Variants in PRR16 observed in about 807,000 individuals in gnomAD.
The protein encoded by PRR16 is proline rich 16, also known as protein Largen.
A neutral mutation model predicts 18.2 loss-of-function variants in PRR16; 6 were observed. That is an observed-to-expected ratio of 0.33 (90% CI 0.18 to 0.65). The LOEUF (loss-of-function observed/expected upper bound fraction) is 0.65, where lower values mean the gene tolerates loss of function less well. Ranked by LOEUF, PRR16 falls within the 30% of genes least tolerant of loss-of-function variation. PRR16 has a pLI of 0.74. For synonymous variants in PRR16, 151 were observed against 147.8 expected, an observed-to-expected ratio of 1.02 and a Z score of -0.16; for missense variants, 412 against 376.6, an observed-to-expected ratio of 1.09 and a Z score of -0.78.
intron 1 of PRR16, among the ~76,000 whole-genome samples, chr5:120,607,457 AAAG>A (rs60799574): frequency 6.6e-6 from 1 of 152,328 alleles, no homozygotes; most frequent in East Asian, 1.9e-4. Context: ...TTTACTATAT[AAAG>A]AAGATTTCAT....
At chr5:120,563,479 C>A (rs550992731) in intron 1 of PRR16, among the ~76,000 whole-genome samples, 4 of 152,328 alleles carry the variant, frequency 2.6e-5, no homozygotes, top group African/African-American at 9.6e-5. Flanking sequence ...CTCTTCCCTT[C>A]CCTTTTTAAA....
At chr5:120,725,079 G>T in the PRR16 span, among the ~76,000 whole-genome samples, 1 of 151,946 alleles carries the variant, frequency 6.6e-6, no homozygotes, top group African/African-American at 2.4e-5. Flanking sequence ...ACAAGACATG[G>T]TGCTATCTGG....
chr5:120,598,474 G>A (rs1037567), intron 1 of PRR16, among the ~76,000 whole-genome samples: 32,113 of 151,440 alleles, frequency 0.21, 5,190 homozygotes, highest in African/African-American at 0.46. Context: ...CACATTTGCT[G>A]TAAAGCTATA....
chr5:120,711,729 A>AGAGATAGTCCAT, the PRR16 span, among the ~76,000 whole-genome samples: 1 of 152,186 alleles, frequency 6.6e-6, no homozygotes, highest in Non-Finnish European at 1.5e-5. Context: ...GTAGTGCATA[A>AGAGATAGTCCAT]GAGATAGTCC....
the PRR16 span, among the ~76,000 whole-genome samples, chr5:120,697,665 G>C: frequency 1.3e-5 from 2 of 152,108 alleles, no homozygotes; most frequent in Non-Finnish European, 2.9e-5. Context: ...GGAGATAAGG[G>C]TGGGGCCGTT....
At chr5:120,474,191 G>A (rs1188695520) in intron 1 of PRR16, among the ~76,000 whole-genome samples, 2 of 152,118 alleles carry the variant, frequency 1.3e-5, no homozygotes, top group Non-Finnish European at 2.9e-5. Context: ...GAGCAGGGAG[G>A]TGACTAAATC....
chr5:120,489,041 T>C (rs1323184803), intron 1 of PRR16, among the ~76,000 whole-genome samples: 1 of 152,224 alleles, frequency 6.6e-6, no homozygotes, highest in Non-Finnish European at 1.5e-5. Flanking sequence ...TTCTGTTCTT[T>C]TACATTTGCT....
the PRR16 span, among the ~76,000 whole-genome samples, chr5:120,732,154 A>G: frequency 1.3e-5 from 2 of 152,214 alleles, no homozygotes. Flanking sequence ...AGTGTTCAGC[A>G]GTGCACATAG....
chr5:120,636,526 G>A (rs1039156703), intron 1 of PRR16, among the ~76,000 whole-genome samples: 3 of 152,028 alleles, frequency 2.0e-5, no homozygotes, highest in African/African-American at 7.2e-5. Flanking sequence ...AAAACATCAA[G>A]TGCGGAAAGG....
intron 1 of PRR16, among the ~76,000 whole-genome samples, chr5:120,484,629 CTT>C (rs1210519753): frequency 2.8e-5 from 4 of 144,708 alleles, no homozygotes; most frequent in African/African-American, 7.5e-5. Flanking sequence ...TGTATATACA[CTT>C]ATATATAATA....
the PRR16 span, among the ~76,000 whole-genome samples, chr5:120,779,215 G>GT: frequency 6.6e-6 from 1 of 152,318 alleles, no homozygotes; most frequent in Admixed American, 6.5e-5. Context: ...GGCTGCAACA[G>GT]TTTCTGTAAG....
At chr5:120,591,186 G>A (rs1273743968) in intron 1 of PRR16, among the ~76,000 whole-genome samples, 3 of 152,134 alleles carry the variant, frequency 2.0e-5, no homozygotes, top group African/African-American at 7.2e-5. Flanking sequence ...GGCTGAGGCA[G>A]GAGAATCCCT....
the PRR16 span, among the ~76,000 whole-genome samples, chr5:120,718,855 A>G: frequency 6.6e-6 from 1 of 152,076 alleles, no homozygotes; most frequent in Non-Finnish European, 1.5e-5. Flanking sequence ...TGGGGAACTA[A>G]TGAAACAGTA....
intron 1 of PRR16, among the ~76,000 whole-genome samples, chr5:120,518,203 A>C (rs973125930): frequency 6.6e-6 from 1 of 152,188 alleles, no homozygotes; most frequent in African/African-American, 2.4e-5. Flanking sequence ...GTAATGTATA[A>C]AGAACACTCA....
chr5:120,502,510 C>T (rs1012281546), intron 1 of PRR16, among the ~76,000 whole-genome samples: 2 of 151,886 alleles, frequency 1.3e-5, no homozygotes, highest in Non-Finnish European at 2.9e-5. Flanking sequence ...GTGTTTGTGA[C>T]AGGAATGTTT....
chr5:120,762,181 A>AG, the PRR16 span, among the ~76,000 whole-genome samples: 1 of 152,106 alleles, frequency 6.6e-6, no homozygotes, highest in African/African-American at 2.4e-5. Flanking sequence ...AGCATGGTGG[A>AG]GGGCAAGTAT....
intron 1 of PRR16, among the ~76,000 whole-genome samples, chr5:120,610,732 T>C (rs116616122): frequency 0.059 from 8,969 of 152,252 alleles, 342 homozygotes; most frequent in South Asian, 0.089. Flanking sequence ...AATTATACCT[T>C]TTTTTCTTCC....
intron 1 of PRR16, among the ~76,000 whole-genome samples, chr5:120,642,800 G>C (rs988468367): frequency 6.6e-6 from 1 of 151,858 alleles, no homozygotes; most frequent in Non-Finnish European, 1.5e-5. Flanking sequence ...ATAGGCACAC[G>C]AAAACACTCT....
intron 1 of PRR16, among the ~76,000 whole-genome samples, chr5:120,673,757 A>C (rs1487129637): frequency 6.6e-6 from 1 of 151,978 alleles, no homozygotes; most frequent in East Asian, 1.9e-4. Flanking sequence ...TGTGCAACAT[A>C]GCAGAAACCC....
Sources: allele counts gnomAD v4.1 joint callset (sites outside exome capture counted in the v4.1 genomes callset), GRCh38; gene constraint gnomAD v4.1.1; transcripts MANE v1.5; gene names NCBI Gene and HGNC (gene_info 2026-07-23, HGNC 2026-07-21).